The following HEPHL1 variants were observed in gnomAD, a reference collection of about 807,000 sequenced individuals.
The protein encoded by HEPHL1 is hephaestin like 1.
Under a neutral mutation model 122.0 loss-of-function variants are expected in HEPHL1, and 123 were observed. The observed-to-expected ratio is 1.01, with a 90% CI of 0.87 to 1.17. The LOEUF (loss-of-function observed/expected upper bound fraction) is 1.17, where lower values mean the gene tolerates loss of function less well. Among genes scored for constraint, HEPHL1 ranks in the 50% most tolerant of loss-of-function variants. The pLI is 0.00. For synonymous variants in HEPHL1, 527 were observed against 508.9 expected (o/e 1.04, Z -0.48); for missense variants, 1,452 against 1,430.5 (o/e 1.01, Z -0.24).
intron 13 of HEPHL1, among the ~76,000 whole-genome samples, chr11:94,094,343 G>A (rs1946292195): frequency 6.6e-6 from 1 of 151,954 alleles, no homozygotes; most frequent in East Asian, 1.9e-4. Flanking sequence ...ATTTTTTATG[G>A]CTGCATAGTA....
At chr11:94,072,392 A>T (rs1187815925) in intron 6 of HEPHL1, among the ~76,000 whole-genome samples, 1 of 152,150 alleles carries the variant, frequency 6.6e-6, no homozygotes, top group Non-Finnish European at 1.5e-5. Context: ...TTACAAAGTA[A>T]GGATGAATGA....
At position 94,096,008 on chromosome 11, in the gene HEPHL1, T is replaced by C. The variant is rs1946309104; in HGVS notation, c.2434+2368T>C. On this transcript the variant is annotated intron_variant, in intron 13 of 19. Coordinates refer to ENST00000315765, the MANE Select transcript of HEPHL1 (RefSeq NM_001098672.2). ...CCTCTATTCCTAATTGAATACCCTTTATTTCTTTCTCCTGCCTAATTGACC... is the reference window on the plus strand; with the variant it reads ...CCTCTATTCCTAATTGAATACCCTTCATTTCTTTCTCCTGCCTAATTGACC... Among the ~76,000 whole-genome samples the C allele has an allele frequency of 1.3e-5, 2 of 152,184 alleles. 1 individual carries two copies. The highest frequency in any genetic ancestry group is 4.1e-4 in the South Asian group (2 of 4,824).
intron 15 of HEPHL1, 101 bp downstream of exon 15, chr11:94,103,121 G>C: frequency 1.4e-6 from 1 of 719,976 alleles, no homozygotes; most frequent in Non-Finnish European, 2.5e-6. Context: ...AGCGTATAAT[G>C]ATTTAGAGCA....
intron 1 of HEPHL1, among the ~76,000 whole-genome samples, chr11:94,041,447 G>A (rs1344507497): frequency 7.2e-6 from 1 of 139,562 alleles, no homozygotes; most frequent in African/African-American, 2.7e-5. Flanking sequence ...CAAAGCTGGA[G>A]GCATCACACT....
chr11:94,073,759 C>A (rs1234807275), intron 8 of HEPHL1, among the ~76,000 whole-genome samples: 1 of 152,068 alleles, frequency 6.6e-6, no homozygotes, highest in African/African-American at 2.4e-5. Context: ...ACTTCTTTTT[C>A]TCTAAGATGG....
rs1027014169 is a variant in HEPHL1 at position 94,025,440 on chromosome 11, G to A, written c.170+3902G>A. Among the ~76,000 whole-genome samples, 113 of 151,906 alleles carry A rather than the reference G, an allele frequency of 7.4e-4. 1 individual carries two copies. The highest frequency in any genetic ancestry group is 2.5e-3 in the African/African-American group (103 of 41,334). ...CTGATCCTTAATGGAAGTAGGGTGG[G>A]GTCATCTTATTTAAAGCCACAGTTC... On this transcript the variant is annotated intron_variant, in intron 1 of 19. Transcript: ENST00000315765.
chr11:94,030,403 G>C (rs779522993), intron 1 of HEPHL1, among the ~76,000 whole-genome samples: 12 of 152,186 alleles, frequency 7.9e-5, no homozygotes, highest in Non-Finnish European at 1.5e-4. Flanking sequence ...ATCGATTAAA[G>C]ATTTATTATT....
At chr11:94,080,494 A>G (rs1006586394) in intron 9 of HEPHL1, among the ~76,000 whole-genome samples, 4 of 152,254 alleles carry the variant, frequency 2.6e-5, no homozygotes, top group Admixed American at 2.6e-4. Context: ...ATAAACCATC[A>G]TCAGAGTGAA....
chr11:94,021,625 C>A (rs1389391315), intron 1 of HEPHL1, 87 bp downstream of exon 1: 4 of 1,045,012 alleles, frequency 3.8e-6, no homozygotes, highest in Non-Finnish European at 5.7e-6. Context: ...TGGGTACTTA[C>A]AATGGGGGTG....
intron 16 of HEPHL1, among the ~76,000 whole-genome samples, chr11:94,105,423 T>C (rs1290589783): frequency 6.6e-6 from 1 of 152,220 alleles, no homozygotes; most frequent in Admixed American, 6.5e-5. Context: ...GTCATTTGGT[T>C]GCACCACAAT....
intron 2 of HEPHL1, among the ~76,000 whole-genome samples, chr11:94,050,767 T>C (rs1296174516): frequency 3.3e-5 from 5 of 152,164 alleles, no homozygotes; most frequent in Admixed American, 6.5e-5. Context: ...TATTAATTCT[T>C]TCTAACTATT....
chr11:94,078,493 A>C (rs938124223), intron 9 of HEPHL1, among the ~76,000 whole-genome samples: 17 of 147,102 alleles, frequency 1.2e-4, no homozygotes, highest in Middle Eastern at 3.2e-3. Flanking sequence ...AGAGACACAC[A>C]GAGAGATATT....
At chr11:94,055,394 C>A in intron 2 of HEPHL1, 1 of 221,880 alleles carries the variant, frequency 4.5e-6, no homozygotes, top group East Asian at 1.4e-4. Context: ...CGTTGCTAAC[C>A]TGCCTGGAGA....
intron 9 of HEPHL1, among the ~76,000 whole-genome samples, chr11:94,082,145 C>G (rs1174877468): frequency 2.0e-5 from 3 of 152,174 alleles, no homozygotes; most frequent in Non-Finnish European, 4.4e-5. Flanking sequence ...TGAGGACCAG[C>G]CTGGCAACAG....
At chr11:94,104,029 C>G (rs1215319004) in intron 15 of HEPHL1, among the ~76,000 whole-genome samples, 1 of 152,182 alleles carries the variant, frequency 6.6e-6, no homozygotes, top group Non-Finnish European at 1.5e-5. Context: ...ACACTTGTAA[C>G]TGTAATAGAG....
rs74565047 is a variant in HEPHL1, at chr11:94,065,609, G to C, written c.808+1099G>C. 9.8e-3 allele frequency among the ~76,000 whole-genome samples: 1,496 copies of C among 152,278 alleles called. 21 individuals carry two copies. Among genetic ancestry groups the C allele is most frequent in the African/African-American group, 0.034 (1,432 of 41,560 alleles). On this transcript the variant is annotated intron_variant, in intron 4 of 19. Transcript: ENST00000315765. ...GGAAAATATTTTAGGAGGAAAGGAA[G>C]TAAGGGAGAGAAGGAAAGGGGAAGG... is the stretch of plus-strand genomic sequence containing the variant.
chr11:94,028,811 A>C (rs1033893888), intron 1 of HEPHL1, among the ~76,000 whole-genome samples: 1 of 152,182 alleles, frequency 6.6e-6, no homozygotes, highest in Admixed American at 6.5e-5. Flanking sequence ...CCTTGAAGTT[A>C]CTTCCTTACT....
intron 13 of HEPHL1, among the ~76,000 whole-genome samples, chr11:94,100,490 A>G (rs988850481): frequency 2.0e-5 from 3 of 152,330 alleles, no homozygotes; most frequent in Middle Eastern, 3.4e-3. Flanking sequence ...TTCCAACAGA[A>G]ATGCACACAC....
At chr11:94,100,102 C>T (rs1946356130) in intron 13 of HEPHL1, among the ~76,000 whole-genome samples, 1 of 152,196 alleles carries the variant, frequency 6.6e-6, no homozygotes, top group East Asian at 1.9e-4. Context: ...TTCTGCGTCG[C>T]TCACACTGGG....
Sources: allele counts gnomAD v4.1 joint callset (sites outside exome capture counted in the v4.1 genomes callset), GRCh38; gene constraint gnomAD v4.1.1; transcripts MANE v1.5; gene names NCBI Gene and HGNC (gene_info 2026-07-23, HGNC 2026-07-21).